SPRED3: variants seen among roughly 807,000 people sequenced by gnomAD.
The protein encoded by SPRED3 is sprouty related EVH1 domain containing 3.
A neutral mutation model predicts 37.6 loss-of-function variants in SPRED3; 23 were observed. The ratio of observed to expected loss-of-function variants is 0.61; its 90% CI spans 0.44 to 0.87. The LOEUF is 0.87. SPRED3 is among the 40% of genes least tolerant of loss of function. SPRED3 has a pLI of 0.00. For missense variants in SPRED3, 584 were observed against 618.6 expected (o/e 0.94, Z 0.59); for synonymous variants, 302 against 279.6 (o/e 1.08, Z -0.80).
Position 38,399,313 on chromosome 19 carries a change from C to G in SPRED3, c.*3168C>G, listed in dbSNP as rs563908786. The G allele has an allele frequency of 6.6e-6, 1 of 152,266 alleles. No individual in the cohort carries two copies. The highest frequency in any genetic ancestry group is 1.5e-5 in the Non-Finnish European group (1 of 68,108). The allele number at this position is 152,266 out of a possible 1,614,324, so 9.4% of individuals were successfully genotyped here. On this transcript the variant is annotated 3_prime_UTR_variant, in exon 6 of 6. Coordinates refer to ENST00000691638, the MANE Select transcript of SPRED3 (RefSeq NM_001394336.1). The stretch of plus-strand genomic sequence containing the variant: ...CCCAAATCAGGGGTACATGGAGGGC[C>G]GCCCTGGGAGCCAGGCAGACCTCAG...
At chr19:38,391,523 A>G (rs2145153286) in intron 2 of SPRED3, among the ~76,000 whole-genome samples, 1 of 152,188 alleles carries the variant, frequency 6.6e-6, no homozygotes, top group Non-Finnish European at 1.5e-5. Flanking sequence ...GGGTTTCTAC[A>G]GGGGCATCAG....
intron 2 of SPRED3, among the ~76,000 whole-genome samples, chr19:38,391,670 G>T (rs940560495): frequency 6.6e-5 from 10 of 152,166 alleles, no homozygotes; most frequent in Non-Finnish European, 1.3e-4. Context: ...GGCTGAGGCA[G>T]GAGGATCACT....
At chr19:38,394,390 C>T (rs1422021721) in intron 4 of SPRED3, 2 of 1,580,652 alleles carry the variant, frequency 1.3e-6, no homozygotes, top group South Asian at 1.1e-5. Context: ...ATATGCTGTG[C>T]CCTTGACAGT....
chr19:38,394,596 G>A lies in SPRED3; in HGVS notation c.424-47G>A, dbSNP rs147790536. 1.8e-3 allele frequency: 2,796 copies of A among 1,560,016 alleles called. 36 individuals are homozygous for A. The African/African-American group carries it at 0.03, about 17-fold the overall frequency. The stretch of plus-strand genomic sequence containing the variant: ...GGAGGGGGTCTATGTGAGGGCATCG[G>A]CTGTGCGGGGGCGTGTCCCCGCGCT... On this transcript the variant is annotated intron_variant, in intron 4 of 5. Coordinates refer to ENST00000691638, the MANE Select transcript of SPRED3 (RefSeq NM_001394336.1).
At chr19:38,394,462 C>T in intron 4 of SPRED3, 181 bp from the exon 5 acceptor site, 1 of 1,496,108 alleles carries the variant, frequency 6.7e-7, no homozygotes, top group Non-Finnish European at 9.3e-7. Flanking sequence ...GAGGAGGAAA[C>T]TGAGGCTCAA....
intron 4 of SPRED3, 134 bp from the exon 5 acceptor site, chr19:38,394,509 T>A: frequency 6.5e-7 from 1 of 1,543,782 alleles, no homozygotes; most frequent in Non-Finnish European, 8.9e-7. Flanking sequence ...ACACAACCAG[T>A]CAGTGACAGA....
intron 2 of SPRED3, among the ~76,000 whole-genome samples, chr19:38,390,722 C>A (rs1165383343): frequency 1.3e-5 from 2 of 151,740 alleles, no homozygotes; most frequent in East Asian, 3.9e-4. Context: ...TGTACTGCTC[C>A]TCCTCCCCGC....
chr19:38,389,274 G>A (rs963468004), intron 1 of SPRED3, among the ~76,000 whole-genome samples: 2 of 151,836 alleles, frequency 1.3e-5, no homozygotes, highest in Non-Finnish European at 2.9e-5. Context: ...GGCTGGGGGC[G>A]CTGCAGCCGC....
intron 4 of SPRED3, 128 bp downstream of exon 4, chr19:38,392,416 A>T: frequency 1.9e-6 from 2 of 1,039,532 alleles, no homozygotes; most frequent in Non-Finnish European, 2.7e-6. Context: ...TTGGGCCGGA[A>T]CTATGAGTGT....
intron 4 of SPRED3, chr19:38,394,336 C>T: frequency 6.6e-7 from 1 of 1,516,630 alleles, no homozygotes; most frequent in Non-Finnish European, 8.9e-7. Flanking sequence ...AAGAGTCCCA[C>T]AAAAATAACA....
At chr19:38,390,107 G>A (rs549756913) in intron 1 of SPRED3, 192 bp from the exon 2 acceptor site, 149 of 424,592 alleles carry the variant, frequency 3.5e-4, no homozygotes, top group African/African-American at 2.6e-3. Context: ...GAGATGGCAT[G>A]AGGAAGAAAG....
At position 38,399,419 on chromosome 19, in the gene SPRED3, C is replaced by T. The variant is rs1970937641; in HGVS notation, c.*3274C>T. The T allele has an allele frequency of 6.6e-6, 1 of 152,112 alleles. No individual in the cohort carries two copies. The highest frequency in any genetic ancestry group is 1.5e-5 in the Non-Finnish European group (1 of 68,054). 9.4% of individuals were successfully genotyped at this position (152,112 alleles called of 1,614,324 possible). The stretch of plus-strand genomic sequence containing the variant: ...TGGCCCCCAGATTTGGGGGAGGCAC[C>T]CCAACATATATCTTCCTGATCTTGT... On this transcript the variant is annotated 3_prime_UTR_variant, in exon 6 of 6. Transcript: ENST00000691638.
intron 1 of SPRED3, 165 bp from the exon 2 acceptor site, chr19:38,390,134 G>C: frequency 2.1e-6 from 1 of 481,574 alleles, no homozygotes; most frequent in Non-Finnish European, 3.5e-6. Flanking sequence ...TGTGGAAGAC[G>C]GTGGCCATGG....
chr19:38,394,443 C>A (rs749433069), intron 4 of SPRED3, 200 bp from the exon 5 acceptor site: 1 of 1,500,902 alleles, frequency 6.7e-7, no homozygotes. Context: ...TTAGGATCCC[C>A]GTTTTACAGA....
intron 4 of SPRED3, 33 bp from the exon 5 acceptor site, chr19:38,394,610 T>A: frequency 6.4e-7 from 1 of 1,570,844 alleles, no homozygotes; most frequent in Non-Finnish European, 8.6e-7. Flanking sequence ...TGCGGGGGCG[T>A]GTCCCCGCGC....
chr19:38,391,920 G>A (rs1970837254), intron 2 of SPRED3, 26 bp from the exon 3 acceptor site: 1 of 1,611,558 alleles, frequency 6.2e-7, no homozygotes, highest in African/African-American at 1.3e-5. Flanking sequence ...TGGGGTATCT[G>A]ACCCTGCTTT....
chr19:38,394,822 G>A, intron 5 of SPRED3, 36 bp downstream of exon 5: 1 of 1,511,680 alleles, frequency 6.6e-7, no homozygotes, highest in Non-Finnish European at 8.8e-7. Context: ...TGGGGGAATG[G>A]GGCGGTGCAC....
At chr19:38,390,506 G>A in intron 2 of SPRED3, 27 bp downstream of exon 2, 1 of 1,325,050 alleles carries the variant, frequency 7.5e-7, no homozygotes, top group Non-Finnish European at 9.7e-7. Context: ...CATGCGGGGA[G>A]GGTAGGGACC....
rs1004563230 is a variant in SPRED3 at position 38,396,124 on chromosome 19, C to T, written c.1212C>T (p.Arg404=). 4 of 1,282,210 alleles carry T rather than the reference C, an allele frequency of 3.1e-6. No individual in the cohort carries two copies. Among genetic ancestry groups the T allele is most frequent in the Non-Finnish European group, 2.9e-6 (3 of 1,018,290 alleles). 79.4% of individuals were successfully genotyped at this position (1,282,210 alleles called of 1,614,324 possible). Residue 404 remains arginine (R), a synonymous_variant, in exon 6 of 6, where the codon CGC becomes CGT. Coordinates refer to ENST00000691638, the MANE Select transcript of SPRED3 (RefSeq NM_001394336.1). Reference sequence around the variant, plus strand: ...GCGGCTGCGCCGGCTGCGGGGGTCGCCACGAGGAGGCTGCGCGGTGAGGAC... The same window carrying T: ...GCGGCTGCGCCGGCTGCGGGGGTCGTCACGAGGAGGCTGCGCGGTGAGGAC... The part of the protein sequence containing the change: ...ARCGCAGCGG[R]HEEAAR
Sources: allele counts gnomAD v4.1 joint callset (sites outside exome capture counted in the v4.1 genomes callset), GRCh38; gene constraint gnomAD v4.1.1; transcripts MANE v1.5; gene names NCBI Gene and HGNC (gene_info 2026-07-23, HGNC 2026-07-21).